The following B4GALNT3 variants were observed in gnomAD, a reference collection of about 807,000 sequenced individuals.
The protein encoded by B4GALNT3 is beta-1,4-N-acetyl-galactosaminyltransferase 3.
Under a neutral mutation model 120.2 loss-of-function variants are expected in B4GALNT3, and 86 were observed. That is an observed-to-expected ratio of 0.72 (90% confidence interval 0.60 to 0.86). The LOEUF (loss-of-function observed/expected upper bound fraction) is 0.86. B4GALNT3 is among the 40% of genes least tolerant of loss of function. The probability of loss-of-function intolerance (pLI) is 0.00; values close to 1 mark genes in which losing one functional copy is unlikely to be tolerated. For missense variants in B4GALNT3, 1,167 were observed against 1,298.9 expected (o/e 0.90, Z 1.56); for synonymous variants, 518 against 510.4 (o/e 1.01, Z -0.20).
chr12:555,995 G>A (rs1385448369), intron 14 of B4GALNT3, among the ~76,000 whole-genome samples: 1 of 151,628 alleles, frequency 6.6e-6, no homozygotes, highest in East Asian at 1.9e-4. Context: ...ATATTAGCCA[G>A]GCTGGTCTTG....
chr12:546,831 A>C, intron 7 of B4GALNT3, 118 bp downstream of exon 7: 1 of 1,001,508 alleles, frequency 1.0e-6, no homozygotes. Context: ...CGGCACCCAC[A>C]CGCTCCCGGC....
In B4GALNT3 at chr12:486,560, T is replaced by C. The variant is rs78171335; in HGVS notation, c.169+26015T>C. ...CTCAGGGGAAACTATTTTACGAGCC[T>C]GACTTGCTGTCCTAACCTACCTAGG... is the stretch of plus-strand genomic sequence containing the variant. On this transcript the variant is annotated intron_variant, in intron 1 of 19. Coordinates refer to ENST00000266383, the MANE Select transcript of B4GALNT3 (RefSeq NM_173593.4). Among the ~76,000 whole-genome samples the C allele has an allele frequency of 1.7e-3, 265 of 152,306 alleles. 1 individual carries two copies. Among genetic ancestry groups the C allele is most frequent in the African/African-American group, 5.8e-3 (243 of 41,572 alleles).
At chr12:534,769 C>G (rs1946841573) in intron 1 of B4GALNT3, among the ~76,000 whole-genome samples, 1 of 152,206 alleles carries the variant, frequency 6.6e-6, no homozygotes, top group Non-Finnish European at 1.5e-5. Context: ...TCCCCGGGCT[C>G]AGGGCACAGA....
intron 1 of B4GALNT3, among the ~76,000 whole-genome samples, chr12:471,102 A>G (rs939819383): frequency 2.0e-5 from 3 of 150,364 alleles, no homozygotes; most frequent in African/African-American, 2.4e-5. Flanking sequence ...TAAACACTAC[A>G]TTGTGGCTGG....
chr12:557,935 T>C lies in B4GALNT3; in HGVS notation c.2535-81T>C, dbSNP rs1033356932. 1.6e-5 allele frequency: 25 copies of C among 1,531,308 alleles called. No individual in the cohort carries two copies. The African/African-American group carries it at 2.7e-4, about 17-fold the overall frequency. 94.9% of individuals were successfully genotyped at this position (1,531,308 alleles called of 1,614,324 possible). ...TCCCATCCCAGGAGCACACATCATCTCTCTTCTATGCCTGCCAACTTCCTC... is the reference window on the plus strand; with the variant it reads ...TCCCATCCCAGGAGCACACATCATCCCTCTTCTATGCCTGCCAACTTCCTC... On this transcript the variant is annotated intron_variant, in intron 16 of 19. Coordinates refer to ENST00000266383, the MANE Select transcript of B4GALNT3 (RefSeq NM_173593.4).
chr12:488,762 G>T (rs1051531471), intron 1 of B4GALNT3, among the ~76,000 whole-genome samples: 6 of 152,244 alleles, frequency 3.9e-5, no homozygotes, highest in African/African-American at 1.4e-4. Flanking sequence ...CAAGGTTGCA[G>T]TGAGCTATGA....
chr12:496,816 T>G (rs1946393377), intron 1 of B4GALNT3, among the ~76,000 whole-genome samples: 1 of 152,244 alleles, frequency 6.6e-6, no homozygotes, highest in Non-Finnish European at 1.5e-5. Flanking sequence ...TGTGTGTGGC[T>G]TCTTTCACTT....
At chr12:522,939 T>C (rs1946724805) in intron 1 of B4GALNT3, among the ~76,000 whole-genome samples, 2 of 56,796 alleles carry the variant, frequency 3.5e-5, no homozygotes, top group Non-Finnish European at 6.5e-5. Context: ...GGAGACTCTG[T>C]TTAAAAAAAA....
Position 553,908 on chromosome 12 carries a change from A to G in B4GALNT3, c.1985A>G (p.Asn662Ser). Residue 662 changes from asparagine (N) to serine (S), a missense_variant, in exon 14 of 20, where the codon AAC becomes AGC. Coordinates refer to ENST00000266383, the MANE Select transcript of B4GALNT3 (RefSeq NM_173593.4). ...GATCTGAGCTGTAACACATCTGGCA[A>G]CCTGCTGCTTCCAGAGCAGGAAGCT... Reference protein sequence around the residue: ...WIDLSCNTSGNLLLPEQEALE... With the variant: ...WIDLSCNTSGSLLLPEQEALE... 5 of 1,614,054 alleles carry G rather than the reference A, an allele frequency of 3.1e-6. No homozygotes were observed. The highest frequency in any genetic ancestry group is 4.2e-6 in the Non-Finnish European group (5 of 1,179,950).
At chr12:545,174 C>T (rs1946977331) in intron 5 of B4GALNT3, 195 bp from the exon 6 acceptor site, 4 of 1,442,874 alleles carry the variant, frequency 2.8e-6, no homozygotes, top group Non-Finnish European at 3.6e-6. Flanking sequence ...CAGCCTGGAA[C>T]CAGCTCATCT....
chr12:493,915 A>C (rs776131580), intron 1 of B4GALNT3, among the ~76,000 whole-genome samples: 26 of 152,198 alleles, frequency 1.7e-4, no homozygotes, highest in Non-Finnish European at 3.4e-4. Context: ...TCCATAGTTC[A>C]CTCAGCGTGA....
chr12:469,819 A>T (rs976765424), intron 1 of B4GALNT3, among the ~76,000 whole-genome samples: 50 of 152,124 alleles, frequency 3.3e-4, no homozygotes, highest in African/African-American at 1.1e-3. Context: ...ATTTATTTTT[A>T]AAAAATTTTG....
intron 13 of B4GALNT3, chr12:552,793 G>T: frequency 3.7e-6 from 2 of 534,716 alleles, no homozygotes; most frequent in Admixed American, 3.5e-5. Context: ...TACTTGGACT[G>T]CTGGAGGGGC....
intron 1 of B4GALNT3, among the ~76,000 whole-genome samples, chr12:464,157 G>A (rs915017917): frequency 1.3e-5 from 2 of 152,234 alleles, no homozygotes; most frequent in African/African-American, 4.8e-5. Flanking sequence ...ACTAACACAT[G>A]CTTAAGGATT....
chr12:513,351 C>A (rs150596080), intron 1 of B4GALNT3, among the ~76,000 whole-genome samples: 72 of 152,386 alleles, frequency 4.7e-4, no homozygotes, highest in African/African-American at 1.7e-3. Context: ...CTGAAGGCTG[C>A]TGGTTGCCCA....
intron 1 of B4GALNT3, among the ~76,000 whole-genome samples, chr12:527,245 T>TGGATGTTTGGGCCAAGCAG (rs1946766231): frequency 6.6e-6 from 1 of 152,202 alleles, no homozygotes; most frequent in African/African-American, 2.4e-5. Context: ...TGCTTTAATG[T>TGGATGTTTGGGCCAAGCAG]GGATGTTTGG....
At chr12:468,146 T>C (rs74335612) in intron 1 of B4GALNT3, among the ~76,000 whole-genome samples, 6,009 of 152,192 alleles carry the variant, frequency 0.039, 156 homozygotes, top group Middle Eastern at 0.099. Context: ...AATCAAGGCA[T>C]AAAATAAATC....
At chr12:475,131 A>G (rs1946171819) in intron 1 of B4GALNT3, among the ~76,000 whole-genome samples, 1 of 152,062 alleles carries the variant, frequency 6.6e-6, no homozygotes, top group South Asian at 2.1e-4. Context: ...AGAAAAGAAG[A>G]GAAGAGAGAA....
At chr12:526,824 T>C (rs1479320468) in intron 1 of B4GALNT3, among the ~76,000 whole-genome samples, 1 of 152,200 alleles carries the variant, frequency 6.6e-6, no homozygotes, top group African/African-American at 2.4e-5. Context: ...CCAGACAGAC[T>C]CCATATTCCC....
Sources: gnomAD v4.1 joint callset for allele counts (sites outside exome capture counted in the v4.1 genomes callset) on GRCh38, gnomAD v4.1.1 for gene constraint, MANE v1.5 for transcripts, NCBI Gene and HGNC (gene_info 2026-07-23, HGNC 2026-07-21) for gene names.